The following CHRDL1 variants were observed in gnomAD, a reference collection of about 807,000 sequenced individuals.
CHRDL1 encodes the protein chordin like 1.
In CHRDL1, 19 loss-of-function variants were observed where a neutral mutation model predicts 40.9. The ratio of observed to expected loss-of-function variants is 0.46; its 90% confidence interval spans 0.32 to 0.68. The LOEUF is 0.68. CHRDL1 is among the 30% of genes least tolerant of loss of function. The probability of loss-of-function intolerance (pLI) is 0.03; values close to 1 mark genes in which losing one functional copy is unlikely to be tolerated. For synonymous variants in CHRDL1, 136 were observed against 123.4 expected, an observed-to-expected ratio of 1.10 and a Z score of -0.68; for missense variants, 329 against 352.1, an observed-to-expected ratio of 0.93 and a Z score of 0.53.
At chrX:110,795,287 A>G (rs1344134364) in intron 1 of CHRDL1, among the ~76,000 whole-genome samples, 1 of 111,579 alleles carries the variant, frequency 9.0e-6, no homozygotes, top group Admixed American at 9.4e-5. Context: ...GTCAGGGACA[A>G]AAAATGAGGC....
chrX:110,766,845 C>T (rs1454786872), intron 2 of CHRDL1, among the ~76,000 whole-genome samples: 1 of 111,640 alleles, frequency 9.0e-6, no homozygotes, highest in African/African-American at 3.3e-5. Context: ...TTCTATGAAG[C>T]CAGCATCACC....
At chrX:110,686,994 T>G (rs1299117750) in intron 9 of CHRDL1, among the ~76,000 whole-genome samples, 2 of 109,898 alleles carry the variant, frequency 1.8e-5, no homozygotes, top group African/African-American at 3.3e-5. Context: ...CCTTATCAAA[T>G]AGCTCCTGTC....
intron 6 of CHRDL1, among the ~76,000 whole-genome samples, chrX:110,711,026 C>T (rs2070738013): frequency 9.0e-6 from 1 of 111,416 alleles, no homozygotes; most frequent in African/African-American, 3.3e-5. Context: ...TACACACATA[C>T]TCCCATATAC....
chrX:110,689,673 ATC>A (rs1460024353), intron 8 of CHRDL1, among the ~76,000 whole-genome samples: 1 of 37,706 alleles, frequency 2.7e-5, no homozygotes. Context: ...ATATCTATAT[ATC>A]TATATATCTA....
chrX:110,684,825 CAG>C (rs2069971405), intron 9 of CHRDL1, among the ~76,000 whole-genome samples: 1 of 112,313 alleles, frequency 8.9e-6, no homozygotes, highest in African/African-American at 3.2e-5. Flanking sequence ...TATTGACTCT[CAG>C]GCAATGTGAC....
intron 9 of CHRDL1, among the ~76,000 whole-genome samples, chrX:110,687,780 A>G (rs1334355793): frequency 8.9e-6 from 1 of 111,831 alleles, no homozygotes; most frequent in Admixed American, 9.5e-5. Context: ...AGACAGAGAT[A>G]GAATGCTTGA....
chrX:110,760,644 C>T (rs1466966343), intron 3 of CHRDL1, among the ~76,000 whole-genome samples: 6 of 111,755 alleles, frequency 5.4e-5, no homozygotes, highest in African/African-American at 1.6e-4. Context: ...AAATGTGTCG[C>T]GTCAAGAATC....
At chrX:110,715,620 T>C (rs755448038) in intron 6 of CHRDL1, among the ~76,000 whole-genome samples, 1 of 112,242 alleles carries the variant, frequency 8.9e-6, no homozygotes, top group Non-Finnish European at 1.9e-5. Flanking sequence ...ACCTTCTGGC[T>C]TCAGAGCCTC....
chrX:110,764,842 G>A (rs1436984282), intron 2 of CHRDL1, among the ~76,000 whole-genome samples: 2 of 110,718 alleles, frequency 1.8e-5, no homozygotes, highest in African/African-American at 6.6e-5. Flanking sequence ...GTTGAGATAA[G>A]GACTGAAATG....
chrX:110,737,698 C>T (rs1603208942), intron 4 of CHRDL1, among the ~76,000 whole-genome samples: 1 of 111,972 alleles, frequency 8.9e-6, no homozygotes, highest in East Asian at 2.8e-4. Flanking sequence ...TGGCCTGAGT[C>T]CACACCCCAG....
rs1046781089 is a variant in CHRDL1 at position 110,715,710 on chromosome X, T to C, written c.541+4125A>G. Among the ~76,000 whole-genome samples the C allele has an allele frequency of 2.7e-5, 3 of 112,115 alleles. No individual in the cohort carries two copies. The Admixed American group carries it at 2.8e-4, about 11-fold the overall frequency. ...TGTTGCCTTTCCTTTCTATTATCAATTGTTTTCCAGTTTAGATTTCACATA... is the reference window on the plus strand; with the variant it reads ...TGTTGCCTTTCCTTTCTATTATCAACTGTTTTCCAGTTTAGATTTCACATA... On this transcript the variant is annotated intron_variant, in intron 6 of 11. Transcript: ENST00000372042.
chrX:110,752,281 G>C (rs1312888827), intron 4 of CHRDL1, among the ~76,000 whole-genome samples: 1 of 112,093 alleles, frequency 8.9e-6, no homozygotes, highest in East Asian at 2.8e-4. Flanking sequence ...TGTTGACCAG[G>C]ATGGTCTCAA....
At chrX:110,689,371 A>G (rs1322666024) in intron 8 of CHRDL1, among the ~76,000 whole-genome samples, 1 of 97,528 alleles carries the variant, frequency 1.0e-5, no homozygotes, top group Non-Finnish European at 2.0e-5. Context: ...TGCTGAGATT[A>G]CAGGCATGAG....
chrX:110,729,317 T>A (rs1187862715), intron 4 of CHRDL1, among the ~76,000 whole-genome samples: 1 of 110,628 alleles, frequency 9.0e-6, no homozygotes, highest in Non-Finnish European at 1.9e-5. Flanking sequence ...TAGATTTCTT[T>A]TTTTTTTTCA....
chrX:110,690,002 T>C (rs2070231959), intron 8 of CHRDL1, among the ~76,000 whole-genome samples: 1 of 57,290 alleles, frequency 1.7e-5, no homozygotes, highest in Admixed American at 2.1e-4. Flanking sequence ...TATCTATATA[T>C]CTATATATAT....
At chrX:110,682,434 C>A (rs1349961918) in intron 9 of CHRDL1, among the ~76,000 whole-genome samples, 1 of 112,213 alleles carries the variant, frequency 8.9e-6, no homozygotes, top group Non-Finnish European at 1.9e-5. Flanking sequence ...CTCCACCCTC[C>A]CTCCTCTTTC....
At chrX:110,721,680 C>T (rs962234523) in intron 4 of CHRDL1, 150 bp from the exon 5 acceptor site, 6 of 478,729 alleles carry the variant, frequency 1.3e-5, no homozygotes, top group African/African-American at 4.8e-5. Flanking sequence ...AATGTTAAAA[C>T]AGCCAGACAA....
intron 6 of CHRDL1, among the ~76,000 whole-genome samples, chrX:110,715,132 CA>C (rs983011396): frequency 9.0e-6 from 1 of 111,300 alleles, no homozygotes; most frequent in Admixed American, 9.6e-5. Flanking sequence ...AATGAATTAT[CA>C]AGTATATAAA....
intron 2 of CHRDL1, among the ~76,000 whole-genome samples, chrX:110,788,240 T>C (rs1400228409): frequency 8.9e-6 from 1 of 112,279 alleles, no homozygotes; most frequent in African/African-American, 3.2e-5. Flanking sequence ...GTCTTCTCTC[T>C]TATAAGAGAA....
Sources: allele counts gnomAD v4.1 joint callset (sites outside exome capture counted in the v4.1 genomes callset), GRCh38; gene constraint gnomAD v4.1.1; transcripts MANE v1.5; gene names NCBI Gene and HGNC (gene_info 2026-07-23, HGNC 2026-07-21).